The following CACNA1C variants were observed in gnomAD, a reference collection of about 807,000 sequenced individuals.
CACNA1C encodes voltage-dependent L-type calcium channel subunit alpha-1C.
In CACNA1C, 30 loss-of-function variants were observed where a neutral mutation model predicts 229.0. That is an observed-to-expected ratio of 0.13 (90% CI 0.10 to 0.18). The LOEUF (loss-of-function observed/expected upper bound fraction) is 0.18, where lower values mean the gene tolerates loss of function less well. Among genes scored for constraint, CACNA1C ranks in the 10% least tolerant of loss-of-function variants. CACNA1C has a pLI of 1.00. For synonymous variants in CACNA1C, 1,114 were observed against 1,132.5 expected (o/e 0.98, Z 0.33); for missense variants, 1,658 against 2,845.0 (o/e 0.58, Z 9.49).
intron 13 of CACNA1C, among the ~76,000 whole-genome samples, chr12:2,572,602 C>T (rs1179170415): frequency 7.7e-6 from 1 of 129,886 alleles, no homozygotes; most frequent in Non-Finnish European, 1.7e-5. Flanking sequence ...CTCCTCTCCT[C>T]CTCCTTCTCC....
At chr12:2,367,885 T>G (rs566429141) in intron 3 of CACNA1C, among the ~76,000 whole-genome samples, 10 of 152,254 alleles carry the variant, frequency 6.6e-5, no homozygotes, top group African/African-American at 2.4e-4. Context: ...GTTAAAAATT[T>G]ATTTAATAAA....
In CACNA1C at chr12:2,575,030, A is replaced by T. The variant is rs2154594187; in HGVS notation, c.1896-6560A>T. On this transcript the variant is annotated intron_variant, in intron 13 of 46. Coordinates refer to ENST00000399655, the MANE Select transcript of CACNA1C (RefSeq NM_000719.7). The surrounding 1 kb of genome is among the most constrained non-coding windows in gnomAD (Gnocchi z 4.0). ...GACACTGAGTAGCCCCGTGGCCCAG[A>T]AGCTCAGAGAAGCATGCTGCTAAGG... Among the ~76,000 whole-genome samples, 1 of 152,358 alleles carries T rather than the reference A, an allele frequency of 6.6e-6. No homozygotes were observed. The highest frequency in any genetic ancestry group is 1.9e-4 in the East Asian group (1 of 5,184).
At position 2,285,813 on chromosome 12, in the gene CACNA1C, T is replaced by C. The variant is rs1376781979; in HGVS notation, c.478-163163T>C. ...CTTTTTGGGCGGCAGTGGAAGGGAG[T>C]GTTTTATTAGGAATTTACGTTATAT... On this transcript the variant is annotated intron_variant, in intron 3 of 46. Transcript: ENST00000399655. The surrounding 1 kb of genome is among the most constrained non-coding windows in gnomAD (Gnocchi z 4.2). 6.6e-6 allele frequency among the ~76,000 whole-genome samples: 1 copy of C among 151,582 alleles called. No homozygotes were observed. Among genetic ancestry groups the C allele is most frequent in the Non-Finnish European group, 1.5e-5 (1 of 67,928 alleles).
Position 2,688,580 on chromosome 12 carries a change from G to A in CACNA1C, c.5918G>A (p.Arg1973Gln), listed in dbSNP as rs112414325. 2.3e-3 allele frequency: 3,715 copies of A among 1,613,954 alleles called. 39 individuals carry two copies. The highest frequency in any genetic ancestry group is 0.016 in the South Asian group (1,432 of 91,078). The change falls in exon 46 of 47, where the codon CGG becomes CAG. Residue 1973 changes from arginine to glutamine, a missense_variant. Transcript: ENST00000399655. The stretch of plus-strand genomic sequence containing the variant: ...CCCCCACAGCCCGTCCCCACCCTGC[G>A]GCTTGAGGGGGTCGAGTCCAGTGAG... Reference protein sequence around the residue: ...GWPPQPVPTLRLEGVESSEKL... With the variant: ...GWPPQPVPTLQLEGVESSEKL...
intron 3 of CACNA1C, among the ~76,000 whole-genome samples, chr12:2,193,208 ACTTTGGGAGG>A (rs1242406719): frequency 3.9e-5 from 6 of 152,224 alleles, no homozygotes; most frequent in Non-Finnish European, 8.8e-5. Flanking sequence ...AAATTCCAGC[ACTTTGGGAGG>A]CTGAGGCGGG....
chr12:1,995,756 C>T (rs2040640673), intron 1 of CACNA1C, among the ~76,000 whole-genome samples: 1 of 152,222 alleles, frequency 6.6e-6, no homozygotes, highest in South Asian at 2.1e-4. Context: ...TCCTTGCTGG[C>T]CCTCAAACCT....
rs1163823280 is a variant in CACNA1C at position 1,971,557 on chromosome 12, G to C, written c.139+356G>C. 6.6e-6 allele frequency among the ~76,000 whole-genome samples: 1 copy of C among 152,148 alleles called. No homozygotes were observed. Among genetic ancestry groups the C allele is most frequent in the Non-Finnish European group, 1.5e-5 (1 of 68,008 alleles). On this transcript the variant is annotated intron_variant, in intron 1 of 46. Transcript: ENST00000682462. The surrounding 1 kb of genome is among the most constrained non-coding windows in gnomAD (Gnocchi z 4.2). ...TGTCTGGATTTTTTAGGTCCACAAA[G>C]ACAAGGCAGAGAGCAAGCTGATTAT...
intron 7 of CACNA1C, among the ~76,000 whole-genome samples, chr12:2,494,251 C>T (rs565659820): frequency 5.9e-5 from 9 of 152,336 alleles, no homozygotes; most frequent in African/African-American, 1.4e-4. Flanking sequence ...TACTTTGCTG[C>T]GCTTTGAGCC....
intron 3 of CACNA1C, among the ~76,000 whole-genome samples, chr12:2,246,139 G>A (rs2073103039): frequency 6.6e-6 from 1 of 152,220 alleles, no homozygotes; most frequent in Non-Finnish European, 1.5e-5. Context: ...CAGAGCAAGA[G>A]AAGATGGTGC....
At chr12:1,977,233 A>G (rs1217042315) in intron 1 of CACNA1C, among the ~76,000 whole-genome samples, 2 of 152,210 alleles carry the variant, frequency 1.3e-5, no homozygotes, top group Admixed American at 1.3e-4. Flanking sequence ...CCTAGGAGAA[A>G]GCTTAAAAAG....
chr12:2,667,251 C>G (rs1406265413), intron 37 of CACNA1C, among the ~76,000 whole-genome samples: 1 of 151,822 alleles, frequency 6.6e-6, no homozygotes, highest in African/African-American at 2.4e-5. Context: ...AGTGTCGTTT[C>G]CTTTTCTCCC....
intron 9 of CACNA1C, among the ~76,000 whole-genome samples, chr12:2,528,257 C>T (rs773752275): frequency 5.9e-5 from 9 of 152,138 alleles, no homozygotes; most frequent in African/African-American, 1.4e-4. Flanking sequence ...TGTAAAATGA[C>T]GGGGGTTAGG....
intron 16 of CACNA1C, 95 bp downstream of exon 16, chr12:2,584,712 C>T (rs935053639): frequency 7.3e-5 from 60 of 823,124 alleles, no homozygotes; most frequent in Non-Finnish European, 1.1e-4. Flanking sequence ...CTGCTAGCCT[C>T]TGTTGGCTCT....
chr12:2,408,893 G>A (rs2098770986), intron 3 of CACNA1C, among the ~76,000 whole-genome samples: 1 of 152,066 alleles, frequency 6.6e-6, no homozygotes, highest in Non-Finnish European at 1.5e-5. Flanking sequence ...ACATTTCCAG[G>A]GCACCAGTCA....
chr12:2,531,067 T>C (rs2099839899), intron 9 of CACNA1C, among the ~76,000 whole-genome samples: 1 of 152,244 alleles, frequency 6.6e-6, no homozygotes, highest in South Asian at 2.1e-4. Context: ...GCTCTAATAC[T>C]GAATATTAGG....
chr12:2,180,662 CG>C (rs1241480103), intron 3 of CACNA1C, among the ~76,000 whole-genome samples: 1 of 152,076 alleles, frequency 6.6e-6, no homozygotes, highest in Non-Finnish European at 1.5e-5. Context: ...ATAGGGAGGC[CG>C]TAAAGTGAGG....
chr12:2,286,388 A>C (rs1207493656), intron 3 of CACNA1C, among the ~76,000 whole-genome samples: 2 of 152,212 alleles, frequency 1.3e-5, no homozygotes, highest in Non-Finnish European at 2.9e-5. Flanking sequence ...AATACTTGAA[A>C]GTGGAGCGAG....
rs375542443 is a variant in CACNA1C at position 2,357,769 on chromosome 12, G to A, written c.478-91207G>A. On this transcript the variant is annotated intron_variant, in intron 3 of 46. Transcript: ENST00000399655. ...GTGGATCATCTCAGGTCAGCAGTTCGAGACCAGCCTGGCCAACATGCGGAA... is the reference window on the plus strand; with the variant it reads ...GTGGATCATCTCAGGTCAGCAGTTCAAGACCAGCCTGGCCAACATGCGGAA... Among the ~76,000 whole-genome samples the A allele has an allele frequency of 4.7e-3, 704 of 151,386 alleles. 5 individuals are homozygous for A. Among genetic ancestry groups the A allele is most frequent in the African/African-American group, 0.016 (667 of 41,222 alleles).
Position 2,120,656 on chromosome 12 carries a change from CTGTGTGTGTGTGTG to C in CACNA1C, c.477+254_477+267del, listed in dbSNP as rs112680750. Among the ~76,000 whole-genome samples, 44 of 139,854 alleles carry C rather than the reference CTGTGTGTGTGTGTG, an allele frequency of 3.1e-4. 1 individual carries two copies. The highest frequency in any genetic ancestry group is 1.5e-3 in the Admixed American group (21 of 14,190). The allele number at this position is 139,854 out of a possible 152,430, so 91.7% of individuals were successfully genotyped here. A position where few individuals can be genotyped will look rare whatever the true frequency, so the allele number is the denominator to read the frequency against. On this transcript the variant is annotated intron_variant, in intron 3 of 46. Transcript: ENST00000399655. Reference sequence around the variant, plus strand: ...TATTCCAGTTAGGTGGTGGTGAGCTCTGTGTGTGTGTGTGTGTGTGTGTGTGTGTGTGTGTGTGT... The same window carrying C: ...TATTCCAGTTAGGTGGTGGTGAGCTCTGTGTGTGTGTGTGTGTGTGTGTGT...
Sources: gnomAD v4.1 joint callset for allele counts (sites outside exome capture counted in the v4.1 genomes callset) on GRCh38, gnomAD v4.1.1 for gene constraint, Gnocchi (gnomAD v3.1) non-coding constraint, MANE v1.5 for transcripts, NCBI Gene and HGNC (gene_info 2026-07-23, HGNC 2026-07-21) for gene names.